Variants in CFAP20DC observed in about 807,000 individuals in gnomAD.
The protein encoded by CFAP20DC is CFAP20 domain containing.
CFAP20DC carries 84 observed loss-of-function variants against 101.7 expected under a neutral mutation model. The ratio of observed to expected loss-of-function variants is 0.83; its 90% CI spans 0.69 to 0.99. The LOEUF is 0.99. CFAP20DC is among the 50% of genes least tolerant of loss of function. The pLI is 0.00. For missense variants in CFAP20DC, 1,007 were observed against 970.3 expected, an observed-to-expected ratio of 1.04 and a Z score of -0.50; for synonymous variants, 359 against 351.2, an observed-to-expected ratio of 1.02 and a Z score of -0.25.
chr3:58,890,068 C>T (rs1373826346), intron 6 of CFAP20DC, among the ~76,000 whole-genome samples: 13 of 149,900 alleles, frequency 8.7e-5, no homozygotes, highest in Admixed American at 3.3e-4. Context: ...AGCTGTTGGG[C>T]ACACCTCCCA....
chr3:58,893,049 T>A (rs560531215), intron 6 of CFAP20DC, among the ~76,000 whole-genome samples: 2 of 151,654 alleles, frequency 1.3e-5, no homozygotes, highest in African/African-American at 4.8e-5. Context: ...AAGGATTTTT[T>A]TTTTTTTTTT....
At chr3:58,791,327 C>T (rs1197408264) in intron 15 of CFAP20DC, among the ~76,000 whole-genome samples, 2 of 152,102 alleles carry the variant, frequency 1.3e-5, no homozygotes, top group Non-Finnish European at 2.9e-5. Context: ...TTCATTTAAT[C>T]TTTGCAATAA....
chr3:58,743,655 T>C (rs188368938), intron 16 of CFAP20DC, among the ~76,000 whole-genome samples: 30 of 152,136 alleles, frequency 2.0e-4, no homozygotes, highest in Admixed American at 7.9e-4. Flanking sequence ...GCAATAAAAA[T>C]GGAATGTTTG....
intron 15 of CFAP20DC, among the ~76,000 whole-genome samples, chr3:58,756,636 T>A (rs1037381662): frequency 6.6e-6 from 1 of 152,014 alleles, no homozygotes; most frequent in African/African-American, 2.4e-5. Context: ...AGTCACATCC[T>A]CCTATCTCTT....
intron 14 of CFAP20DC, among the ~76,000 whole-genome samples, chr3:58,819,313 GA>G (rs2075435243): frequency 6.6e-6 from 1 of 152,134 alleles, no homozygotes; most frequent in African/African-American, 2.4e-5. Context: ...GAAGGAAATA[GA>G]GACACAAAAA....
rs369431267 is a variant in CFAP20DC at position 58,915,976 on chromosome 3, T to C, written c.394-2112A>G. On this transcript the variant is annotated intron_variant, in intron 5 of 16. Transcript: ENST00000482387. ...TCATCCTCCCTGGATAATTATTTGT[T>C]CTCTCATTTGCTCTCATTTTTTCCC... is the stretch of plus-strand genomic sequence containing the variant. 8.2e-4 allele frequency among the ~76,000 whole-genome samples: 125 copies of C among 152,196 alleles called. 1 individual carries two copies. The highest frequency in any genetic ancestry group is 2.8e-3 in the African/African-American group (118 of 41,536).
At chr3:59,010,235 TA>T (rs1435399052) in intron 4 of CFAP20DC, among the ~76,000 whole-genome samples, 3 of 152,116 alleles carry the variant, frequency 2.0e-5, no homozygotes, top group African/African-American at 7.2e-5. Flanking sequence ...GTAACTTGCC[TA>T]AATGCTCCAC....
intron 4 of CFAP20DC, among the ~76,000 whole-genome samples, chr3:59,025,065 A>T (rs1193779828): frequency 6.6e-6 from 1 of 152,114 alleles, no homozygotes; most frequent in South Asian, 2.1e-4. Context: ...TCTATCTGTT[A>T]TATCTGTTTT....
intron 4 of CFAP20DC, among the ~76,000 whole-genome samples, chr3:58,938,719 C>CT (rs994967301): frequency 4.6e-5 from 7 of 152,040 alleles, no homozygotes; most frequent in African/African-American, 1.7e-4. Context: ...CTCCTTCCCA[C>CT]TTTTCTAATC....
In CFAP20DC at chr3:58,865,233, T is replaced by A. The variant is rs12635781; in HGVS notation, c.1258+1333A>T. 4.2e-4 allele frequency among the ~76,000 whole-genome samples: 64 copies of A among 152,016 alleles called. No homozygotes were observed. In the East Asian group the frequency reaches 0.012, roughly 28 times the overall value. On this transcript the variant is annotated intron_variant, in intron 11 of 16. Coordinates refer to ENST00000482387, the MANE Select transcript of CFAP20DC (RefSeq NM_001394063.1). ...TCACAATAAAAGTAACCAAGAGAGA[T>A]CTAAGATTTGCAACTCTAAAGCCTA...
intron 6 of CFAP20DC, among the ~76,000 whole-genome samples, chr3:58,907,981 A>T (rs2083774023): frequency 6.6e-6 from 1 of 152,176 alleles, no homozygotes; most frequent in Admixed American, 6.5e-5. Context: ...CCTGAAAGAA[A>T]TCACACCAAT....
chr3:58,932,966 AAC>A (rs1406985592), intron 5 of CFAP20DC, among the ~76,000 whole-genome samples: 1 of 152,182 alleles, frequency 6.6e-6, no homozygotes, highest in Non-Finnish European at 1.5e-5. Flanking sequence ...CCAATTAAAA[AAC>A]ACAGACTGGC....
intron 4 of CFAP20DC, among the ~76,000 whole-genome samples, chr3:58,983,517 A>T (rs2092653275): frequency 6.6e-6 from 1 of 152,184 alleles, no homozygotes; most frequent in Non-Finnish European, 1.5e-5. Context: ...AGATTTACAC[A>T]ACAAAATCAG....
chr3:58,777,779 G>A (rs1336156667), intron 15 of CFAP20DC, among the ~76,000 whole-genome samples: 5 of 152,136 alleles, frequency 3.3e-5, no homozygotes, highest in African/African-American at 1.2e-4. Context: ...CCTAGCCACA[G>A]TAGAGCCTGT....
At chr3:58,753,115 C>T (rs1207944944) in intron 16 of CFAP20DC, among the ~76,000 whole-genome samples, 3 of 152,332 alleles carry the variant, frequency 2.0e-5, no homozygotes, top group South Asian at 4.1e-4. Flanking sequence ...CAACCAGAAA[C>T]TAATGGTTCA....
chr3:58,951,036 T>A (rs2090044684), intron 4 of CFAP20DC, among the ~76,000 whole-genome samples: 1 of 152,126 alleles, frequency 6.6e-6, no homozygotes, highest in Non-Finnish European at 1.5e-5. Flanking sequence ...ATATCCAGAA[T>A]CTACAATGAA....
rs933532169 is a variant in CFAP20DC, at chr3:58,863,360, G to C, written c.1593+198C>G. ...TCTATAAGTAAAAGTGAAATTGGCTGACTGTTAATTAAAAAAAAAAAAAGA... is the reference window on the plus strand; with the variant it reads ...TCTATAAGTAAAAGTGAAATTGGCTCACTGTTAATTAAAAAAAAAAAAAGA... On this transcript the variant is annotated intron_variant, in intron 12 of 16. Transcript: ENST00000482387. The surrounding 1 kb of genome is among the most constrained non-coding windows in gnomAD (Gnocchi z 5.9). The C allele has an allele frequency of 1.4e-6, 2 of 1,408,204 alleles. No individual in the cohort carries two copies. The highest frequency in any genetic ancestry group is 1.5e-5 in the African/African-American group (1 of 68,738). 87.2% of individuals were successfully genotyped at this position (1,408,204 alleles called of 1,614,324 possible).
At chr3:58,823,462 G>T (rs1246120708) in intron 14 of CFAP20DC, among the ~76,000 whole-genome samples, 1 of 152,112 alleles carries the variant, frequency 6.6e-6, no homozygotes, top group Non-Finnish European at 1.5e-5. Context: ...AGCGGCGATT[G>T]ACATTTATTG....
intron 5 of CFAP20DC, among the ~76,000 whole-genome samples, chr3:58,934,621 T>C (rs1231584754): frequency 6.6e-6 from 1 of 152,118 alleles, no homozygotes; most frequent in African/African-American, 2.4e-5. Flanking sequence ...GTCCAATATA[T>C]GCAAATCAAT....
Sources: gnomAD v4.1 joint callset for allele counts (sites outside exome capture counted in the v4.1 genomes callset) on GRCh38, gnomAD v4.1.1 for gene constraint, Gnocchi (gnomAD v3.1) non-coding constraint, MANE v1.5 for transcripts, NCBI Gene and HGNC (gene_info 2026-07-23, HGNC 2026-07-21) for gene names.